The following FIG4 variants were observed in gnomAD, a reference collection of about 807,000 sequenced individuals.
FIG4 encodes polyphosphoinositide phosphatase.
FIG4 carries 112 observed loss-of-function variants against 118.6 expected under a neutral mutation model. The ratio of observed to expected loss-of-function variants is 0.94; its 90% CI spans 0.81 to 1.11. The LOEUF is 1.11. Among genes scored for constraint, FIG4 ranks in the 50% least tolerant of loss-of-function variants. The pLI, the probability that FIG4 is intolerant of heterozygous loss-of-function variation, is 0.00. For missense variants in FIG4, 969 were observed against 1,111.7 expected (o/e 0.87, Z 1.83); for synonymous variants, 369 against 381.2 (o/e 0.97, Z 0.37).
rs2128386978 is a variant in FIG4, at chr6:109,743,248, A to G, written c.1015A>G (p.Met339Val). ...ATACTGGTCTCAGGACATTTCAACT[A>G]TGATGCCTAAACCACCTATTACATG... ...PLYWSQDISTMMPKPPITLDQ... is the reference protein window; with the variant it reads ...PLYWSQDISTVMPKPPITLDQ... The change falls in exon 9 of 23, where the codon ATG (methionine) becomes GTG (valine). Residue 339 changes from methionine to valine, a missense_variant. Physicochemically the swap from Met to Val is conservative, Grantham distance 21. Around this residue, in one of 3 missense-constraint regions of FIG4, gnomAD observed 246 missense variants for 354.3 expected, o/e 0.69. Transcript: ENST00000230124. 6.2e-7 allele frequency: 1 copy of G among 1,612,878 alleles called. No individual in the cohort carries two copies. Among genetic ancestry groups the G allele is most frequent in the Non-Finnish European group, 8.5e-7 (1 of 1,179,190 alleles).
At chr6:109,719,075 T>C (rs1775526616) in intron 3 of FIG4, among the ~76,000 whole-genome samples, 1 of 151,964 alleles carries the variant, frequency 6.6e-6, no homozygotes, top group South Asian at 2.1e-4. Flanking sequence ...TGCGCCACCA[T>C]GCCTGGCTGG....
At chr6:109,820,488 G>C (rs4947022) in intron 22 of FIG4, among the ~76,000 whole-genome samples, 62,348 of 151,780 alleles carry the variant, frequency 0.41, 13,967 homozygotes, top group East Asian at 0.81. Context: ...GAAGGGAACA[G>C]GTCCGGCAAG....
At chr6:109,754,773 G>T (rs1583687233) in intron 10 of FIG4, among the ~76,000 whole-genome samples, 1 of 152,106 alleles carries the variant, frequency 6.6e-6, no homozygotes, top group East Asian at 1.9e-4. Context: ...ATTTCTGTGG[G>T]ATCGGTGGTG....
intron 22 of FIG4, among the ~76,000 whole-genome samples, chr6:109,818,180 G>C (rs1778912296): frequency 6.6e-6 from 1 of 151,978 alleles, no homozygotes; most frequent in South Asian, 2.1e-4. Context: ...CATTTTGAGA[G>C]ATGGAGACGC....
chr6:109,781,507 C>G (rs1777801535), intron 16 of FIG4, among the ~76,000 whole-genome samples: 1 of 151,996 alleles, frequency 6.6e-6, no homozygotes, highest in Admixed American at 6.6e-5. Flanking sequence ...TGTTCTGAGA[C>G]CACTGGGACC....
At chr6:109,809,815 T>C (rs1008088303) in intron 22 of FIG4, among the ~76,000 whole-genome samples, 1 of 152,206 alleles carries the variant, frequency 6.6e-6, no homozygotes, top group Non-Finnish European at 1.5e-5. Flanking sequence ...TCAACTGGTT[T>C]AAACAGTAAG....
At chr6:109,739,470 C>T (rs1459183864) in intron 7 of FIG4, among the ~76,000 whole-genome samples, 1 of 152,082 alleles carries the variant, frequency 6.6e-6, no homozygotes, top group Non-Finnish European at 1.5e-5. Flanking sequence ...ATTTTCCCCC[C>T]ACAGATAAGA....
chr6:109,812,009 C>T (rs1778733339), intron 22 of FIG4, among the ~76,000 whole-genome samples: 2 of 152,048 alleles, frequency 1.3e-5, no homozygotes. Flanking sequence ...AGGGAGAGAC[C>T]AGGTGGAGGT....
At chr6:109,695,140 C>CT (rs1774669350) in intron 1 of FIG4, among the ~76,000 whole-genome samples, 1 of 152,162 alleles carries the variant, frequency 6.6e-6, no homozygotes, top group Admixed American at 6.5e-5. Flanking sequence ...CAAATGTAAA[C>CT]TTTATTTCTC....
rs774294963 is a variant in FIG4 at position 109,741,461 on chromosome 6, C to A, written c.793C>A (p.Arg265=). 1.9e-6 allele frequency: 3 copies of A among 1,612,046 alleles called. No individual in the cohort carries two copies. The Admixed American group carries it at 5.0e-5, about 27-fold the overall frequency. The change falls in exon 8 of 23, where the codon CGA becomes AGA. Residue 265 remains arginine, a synonymous_variant. Coordinates refer to ENST00000230124, the MANE Select transcript of FIG4 (RefSeq NM_014845.6). Reference sequence around the variant, plus strand: ...TTTCCAAGAGCTGTTGATCTATGGACGACCAGTGTATGTCACTCTAATAGC... The same window carrying A: ...TTTCCAAGAGCTGTTGATCTATGGAAGACCAGTGTATGTCACTCTAATAGC... The part of the protein sequence containing the change: ...CGQSKLLIYG[R]PVYVTLIARR...
rs1774369858 is a variant in FIG4, at chr6:109,691,345, G to C, written c.-91G>C. 4.9e-6 allele frequency: 5 copies of C among 1,018,044 alleles called. No homozygotes were observed. The South Asian group carries it at 6.8e-5, about 14-fold the overall frequency. 63.1% of individuals were successfully genotyped at this position (1,018,044 alleles called of 1,614,324 possible). A position where few individuals can be genotyped will look rare whatever the true frequency, so the allele number is the denominator to read the frequency against. On this transcript the variant is annotated 5_prime_UTR_variant, in exon 1 of 23. An upstream open reading frame in the 5' UTR loses its in-frame stop. Transcript: ENST00000230124. ...ATGGGTGTTGTTCCTGGCTGGACTT[G>C]ATGTCCAGGGCCTGAGGGGTTTTCT...
Position 109,786,253 on chromosome 6 carries a change from G to T in FIG4, c.1949-49G>T, listed in dbSNP as rs200228195. On this transcript the variant is annotated intron_variant, in intron 17 of 22. Coordinates refer to ENST00000230124, the MANE Select transcript of FIG4 (RefSeq NM_014845.6). Reference sequence around the variant, plus strand: ...CACAGTTAATATTATGGAAATGTTTGCTTGCTATAATCTCAGACTTTTAGA... The same window carrying T: ...CACAGTTAATATTATGGAAATGTTTTCTTGCTATAATCTCAGACTTTTAGA... 7.2e-6 allele frequency: 11 copies of T among 1,521,916 alleles called. No homozygotes were observed. In the South Asian group the frequency reaches 1.2e-4, roughly 17 times the overall value. The allele number at this position is 1,521,916 out of a possible 1,614,324, so 94.3% of individuals were successfully genotyped here.
chr6:109,769,221 G>A (rs1777383501), intron 15 of FIG4, among the ~76,000 whole-genome samples: 2 of 151,774 alleles, frequency 1.3e-5, no homozygotes, highest in African/African-American at 2.4e-5. Context: ...TCCTGCCTCA[G>A]CCTCCGGAGT....
At chr6:109,739,637 T>C (rs1265787367) in intron 7 of FIG4, among the ~76,000 whole-genome samples, 1 of 152,200 alleles carries the variant, frequency 6.6e-6, no homozygotes, top group African/African-American at 2.4e-5. Context: ...TTGTCTTATT[T>C]ATGGAGAAAA....
chr6:109,714,253 G>A (rs144070577), intron 1 of FIG4, among the ~76,000 whole-genome samples: 54 of 152,252 alleles, frequency 3.5e-4, no homozygotes, highest in African/African-American at 1.2e-3. Context: ...GGCCAGGAAT[G>A]AATGCCAGTG....
intron 22 of FIG4, among the ~76,000 whole-genome samples, chr6:109,812,448 T>C (rs1778746281): frequency 1.3e-5 from 2 of 152,192 alleles, no homozygotes; most frequent in South Asian, 2.1e-4. Flanking sequence ...ATCTCTGATT[T>C]ACATCTCTAA....
intron 3 of FIG4, among the ~76,000 whole-genome samples, chr6:109,725,047 G>T (rs1775759578): frequency 6.6e-6 from 1 of 152,016 alleles, no homozygotes; most frequent in Admixed American, 6.6e-5. Context: ...AGTCCTATTT[G>T]CAGTGAGACT....
intron 1 of FIG4, among the ~76,000 whole-genome samples, chr6:109,706,356 C>T (rs1257360448): frequency 6.6e-6 from 1 of 152,178 alleles, no homozygotes; most frequent in African/African-American, 2.4e-5. Flanking sequence ...AGAATCAGGA[C>T]AACACCAGCC....
chr6:109,764,931 G>GTTTTTGTTTT (rs1226976955), intron 13 of FIG4, 82 bp from the exon 14 acceptor site: 221 of 1,302,606 alleles, frequency 1.7e-4, no homozygotes, highest in Non-Finnish European at 1.7e-5. Context: ...TTTTGTTTTT[G>GTTTTTGTTTT]TTTCTTAAAG....
Sources: gnomAD v4.1 joint callset for allele counts (sites outside exome capture counted in the v4.1 genomes callset) on GRCh38, gnomAD v4.1.1 for gene constraint, gnomAD v4.1.1 regional missense constraint, MANE v1.5 for transcripts, NCBI Gene and HGNC (gene_info 2026-07-23, HGNC 2026-07-21) for gene names.